KIF16B: variants seen among roughly 807,000 people sequenced by gnomAD.
KIF16B encodes kinesin-like protein KIF16B.
Under a neutral mutation model 156.3 loss-of-function variants are expected in KIF16B, and 98 were observed. The ratio of observed to expected loss-of-function variants is 0.63; its 90% CI spans 0.53 to 0.74. The LOEUF (loss-of-function observed/expected upper bound fraction) is 0.74, where lower values mean the gene tolerates loss of function less well. Ranked by LOEUF, KIF16B falls within the 30% of genes least tolerant of loss-of-function variation. The pLI, the probability that KIF16B is intolerant of heterozygous loss-of-function variation, is 0.00. For synonymous variants in KIF16B, 564 were observed against 583.7 expected, an observed-to-expected ratio of 0.97 and a Z score of 0.49; for missense variants, 1,421 against 1,606.5, an observed-to-expected ratio of 0.88 and a Z score of 1.97.
chr20:16,392,958 T>C (rs2065405761), intron 17 of KIF16B, among the ~76,000 whole-genome samples: 1 of 152,134 alleles, frequency 6.6e-6, no homozygotes, highest in Non-Finnish European at 1.5e-5. Flanking sequence ...AAAAAGGAAA[T>C]AGTTCTGAGT....
At chr20:16,337,054 A>G (rs2122968393) in intron 23 of KIF16B, among the ~76,000 whole-genome samples, 1 of 152,282 alleles carries the variant, frequency 6.6e-6, no homozygotes, top group East Asian at 1.9e-4. Context: ...GGCGAGCTTC[A>G]TGCTGCTCAT....
intron 12 of KIF16B, among the ~76,000 whole-genome samples, chr20:16,435,593 G>A (rs912936269): frequency 6.6e-6 from 1 of 152,106 alleles, no homozygotes; most frequent in Non-Finnish European, 1.5e-5. Context: ...ATTTCACAAA[G>A]CTTGTCTTGT....
chr20:16,360,823 C>A (rs1336998856), intron 22 of KIF16B, among the ~76,000 whole-genome samples: 1 of 152,178 alleles, frequency 6.6e-6, no homozygotes, highest in Non-Finnish European at 1.5e-5. Flanking sequence ...TCAAAGTCTT[C>A]TTTTACTACT....
chr20:16,455,007 C>T (rs1167721131), intron 12 of KIF16B, among the ~76,000 whole-genome samples: 1 of 152,138 alleles, frequency 6.6e-6, no homozygotes, highest in East Asian at 1.9e-4. Flanking sequence ...TGTATAGGGA[C>T]ACGGGCTGAA....
intron 2 of KIF16B, 87 bp downstream of exon 2, chr20:16,528,284 G>C (rs2069622129): frequency 5.9e-6 from 6 of 1,011,478 alleles, no homozygotes; most frequent in Middle Eastern, 2.1e-4. Context: ...GGAAACAGCA[G>C]ACAGGCTTTA....
intron 24 of KIF16B, among the ~76,000 whole-genome samples, chr20:16,313,786 G>C (rs976745507): frequency 6.6e-6 from 1 of 152,176 alleles, no homozygotes; most frequent in African/African-American, 2.4e-5. Context: ...TTTCACTGCA[G>C]TACAGTATTC....
At chr20:16,366,073 GA>G in intron 22 of KIF16B, among the ~76,000 whole-genome samples, 1 of 78,530 alleles carries the variant, frequency 1.3e-5, no homozygotes, top group South Asian at 5.6e-4. Context: ...TTTTTGGACA[GA>G]GGGGGACAGA....
At chr20:16,533,999 G>C (rs963977328) in intron 1 of KIF16B, among the ~76,000 whole-genome samples, 1 of 152,072 alleles carries the variant, frequency 6.6e-6, no homozygotes, top group African/African-American at 2.4e-5. Flanking sequence ...AATGGCTCCC[G>C]CCTGTAATCC....
intron 25 of KIF16B, among the ~76,000 whole-genome samples, chr20:16,300,656 C>T (rs1182711512): frequency 2.0e-5 from 3 of 152,074 alleles, no homozygotes; most frequent in Non-Finnish European, 4.4e-5. Context: ...TATTTTTGAA[C>T]ATGTACCTTT....
intron 12 of KIF16B, among the ~76,000 whole-genome samples, chr20:16,430,387 T>C (rs1318663831): frequency 6.6e-6 from 1 of 152,148 alleles, no homozygotes; most frequent in African/African-American, 2.4e-5. Flanking sequence ...AGAAGAAGCC[T>C]TCCTGTGCAT....
At chr20:16,540,688 C>T (rs1489197719) in intron 1 of KIF16B, among the ~76,000 whole-genome samples, 2 of 152,112 alleles carry the variant, frequency 1.3e-5, no homozygotes. Flanking sequence ...TCCCAGTACC[C>T]CTTTCTCACA....
At chr20:16,508,261 A>T (rs1261991173) in intron 6 of KIF16B, among the ~76,000 whole-genome samples, 161 bp from the exon 7 acceptor site, 1 of 152,186 alleles carries the variant, frequency 6.6e-6, no homozygotes, top group African/African-American at 2.4e-5. Flanking sequence ...CAGACCTGGG[A>T]GCTGGGTGGC....
chr20:16,477,249 C>A (rs575162298), intron 12 of KIF16B, among the ~76,000 whole-genome samples: 1 of 146,646 alleles, frequency 6.8e-6, no homozygotes, highest in Non-Finnish European at 1.5e-5. Context: ...GGAGTTTAGC[C>A]TGGATTCCTT....
chr20:16,460,409 T>C (rs556499304), intron 12 of KIF16B, among the ~76,000 whole-genome samples: 1 of 152,156 alleles, frequency 6.6e-6, no homozygotes, highest in East Asian at 1.9e-4. Context: ...CCATCTCTAC[T>C]AAAAATACAA....
intron 1 of KIF16B, among the ~76,000 whole-genome samples, chr20:16,563,566 A>G (rs1268774996): frequency 6.6e-6 from 1 of 152,222 alleles, no homozygotes; most frequent in Non-Finnish European, 1.5e-5. Context: ...GAAGTATCAC[A>G]TCAATCAACT....
chr20:16,303,214 A>G (rs1306239585), intron 25 of KIF16B, among the ~76,000 whole-genome samples: 1 of 152,206 alleles, frequency 6.6e-6, no homozygotes, highest in African/African-American at 2.4e-5. Context: ...TTTATGCGTA[A>G]TAAAACTGAT....
intron 17 of KIF16B, among the ~76,000 whole-genome samples, chr20:16,391,814 C>T (rs1242459768): frequency 6.6e-6 from 1 of 152,150 alleles, no homozygotes; most frequent in African/African-American, 2.4e-5. Flanking sequence ...GTTGTCTCCC[C>T]CTCCACTGGG....
chr20:16,279,113 G>A (rs2063107545), intron 25 of KIF16B, among the ~76,000 whole-genome samples: 1 of 152,140 alleles, frequency 6.6e-6, no homozygotes, highest in African/African-American at 2.4e-5. Flanking sequence ...TGACTGCCCT[G>A]TACCCATTTC....
At chr20:16,416,725 TAAA>T (rs61071475) in intron 15 of KIF16B, among the ~76,000 whole-genome samples, 1 of 144,854 alleles carries the variant, frequency 6.9e-6, no homozygotes. Flanking sequence ...CCCAGAACTT[TAAA>T]AAAAAAAAAA....
Sources: allele counts gnomAD v4.1 joint callset (sites outside exome capture counted in the v4.1 genomes callset), GRCh38; gene constraint gnomAD v4.1.1; transcripts MANE v1.5; gene names NCBI Gene and HGNC (gene_info 2026-07-23, HGNC 2026-07-21).